SAMD13: variants seen among roughly 807,000 people sequenced by gnomAD.
SAMD13 encodes the protein sterile alpha motif domain-containing protein 13.
Under a neutral mutation model 12.4 loss-of-function variants are expected in SAMD13, and 9 were observed. The ratio of observed to expected loss-of-function variants is 0.72; its 90% confidence interval spans 0.44 to 1.26. The LOEUF (loss-of-function observed/expected upper bound fraction) is 1.26. Ranked by LOEUF, SAMD13 falls within the 50% of genes most tolerant of loss-of-function variation. The probability of loss-of-function intolerance (pLI) is 0.00; values close to 1 mark genes in which losing one functional copy is unlikely to be tolerated. For synonymous variants in SAMD13, 46 were observed against 45.4 expected, an observed-to-expected ratio of 1.01 and a Z score of -0.05; for missense variants, 84 against 119.6, an observed-to-expected ratio of 0.70 and a Z score of 1.39.
intron 1 of SAMD13, 90 bp from the exon 2 acceptor site, chr1:84,303,113 A>G: frequency 3.1e-6 from 3 of 964,160 alleles, no homozygotes; most frequent in Non-Finnish European, 4.8e-6. Flanking sequence ...GTGAAGCTGT[A>G]AAAGGGACCA....
upstream of SAMD13, among the ~76,000 whole-genome samples, chr1:84,298,780 C>G (rs1270769476): frequency 6.6e-6 from 1 of 152,098 alleles, no homozygotes; most frequent in Non-Finnish European, 1.5e-5. Context: ...TGCCCTGCCC[C>G]ACGGAGAGCC....
chr1:84,338,875 G>C (rs879741252), intron 3 of SAMD13, among the ~76,000 whole-genome samples: 4 of 152,184 alleles, frequency 2.6e-5, no homozygotes, highest in Admixed American at 2.6e-4. Context: ...TTCAAGACGA[G>C]ATCTGGGTGG....
chr1:84,340,542 A>G (rs1679400879), intron 3 of SAMD13, among the ~76,000 whole-genome samples: 1 of 152,252 alleles, frequency 6.6e-6, no homozygotes. Flanking sequence ...ATACTTAAAA[A>G]TGGTCAAAAT....
upstream of SAMD13, chr1:84,299,657 G>GTGTA (rs1553199278): frequency 1.2e-3 from 837 of 677,852 alleles, 4 homozygotes; most frequent in African/African-American, 6.6e-3. Context: ...GAGTACTAGT[G>GTGTA]TATATATATA....
At chr1:84,346,913 GA>G (rs146976842) in intron 3 of SAMD13, among the ~76,000 whole-genome samples, 5,222 of 152,320 alleles carry the variant, frequency 0.034, 114 homozygotes, top group South Asian at 0.076. Flanking sequence ...AAAGGAAGCA[GA>G]AGGTGGATTT....
chr1:84,343,659 A>G (rs1212921663), intron 3 of SAMD13, among the ~76,000 whole-genome samples: 2 of 152,126 alleles, frequency 1.3e-5, no homozygotes, highest in Non-Finnish European at 2.9e-5. Context: ...AAGAATGAGA[A>G]CACATCGACA....
chr1:84,302,842 G>A (rs1572686511), intron 1 of SAMD13, among the ~76,000 whole-genome samples: 1 of 145,504 alleles, frequency 6.9e-6, no homozygotes, highest in East Asian at 2.2e-4. Flanking sequence ...GGAAAAGGGG[G>A]ATTGTTTTTC....
At chr1:84,349,560 C>A (rs1333206857) in intron 3 of SAMD13, 71 bp from the exon 4 acceptor site, 2 of 1,547,380 alleles carry the variant, frequency 1.3e-6, no homozygotes, top group Non-Finnish European at 1.7e-6. Flanking sequence ...TACCTCTGAA[C>A]TTCCTTTTGT....
intron 3 of SAMD13, among the ~76,000 whole-genome samples, chr1:84,327,853 T>C (rs1679091403): frequency 1.3e-5 from 2 of 152,184 alleles, no homozygotes; most frequent in Non-Finnish European, 2.9e-5. Flanking sequence ...TTCTTTATGT[T>C]TGAAAAACTT....
At chr1:84,300,907 C>T (rs1194323334), upstream of SAMD13, among the ~76,000 whole-genome samples, 2 of 152,034 alleles carry the variant, frequency 1.3e-5, no homozygotes, top group African/African-American at 4.8e-5. Context: ...AATATAGTAC[C>T]GGGTACTCAT....
intron 3 of SAMD13, among the ~76,000 whole-genome samples, chr1:84,337,744 A>AT (rs1679332213): frequency 6.6e-6 from 1 of 152,128 alleles, no homozygotes; most frequent in Non-Finnish European, 1.5e-5. Context: ...AGAAAATGGG[A>AT]TTTTCATTTC....
chr1:84,336,411 C>T (rs1389175693), intron 3 of SAMD13, among the ~76,000 whole-genome samples: 1 of 152,054 alleles, frequency 6.6e-6, no homozygotes, highest in East Asian at 1.9e-4. Context: ...GGGAGGGAGG[C>T]CTCACAATCA....
At chr1:84,331,354 A>AAAAAATAAAAAATAC (rs553761794) in intron 3 of SAMD13, among the ~76,000 whole-genome samples, 1 of 82,432 alleles carries the variant, frequency 1.2e-5, no homozygotes, top group African/African-American at 4.3e-5. Flanking sequence ...AAAAAAAAAA[A>AAAAAATAAAAAATAC]AAAATTATGG....
At chr1:84,308,403 T>C (rs1053133540) in intron 2 of SAMD13, among the ~76,000 whole-genome samples, 4 of 152,118 alleles carry the variant, frequency 2.6e-5, no homozygotes, top group African/African-American at 9.7e-5. Context: ...CCCCACCTTC[T>C]ACCAATGATA....
chr1:84,303,185 T>C lies in SAMD13; in HGVS notation c.-32-18T>C, dbSNP rs1187739904. The C allele has an allele frequency of 6.3e-7, 1 of 1,581,706 alleles. No individual in the cohort carries two copies. The highest frequency in any genetic ancestry group is 1.7e-5 in the Admixed American group (1 of 59,772). ...CTTTCTAAGAATTAAACACAAGCTT[T>C]TCTCCCTTATTGATTAGTTGCTGAA... On this transcript the variant is annotated intron_variant, in intron 1 of 3. Transcript: ENST00000394834.
chr1:84,310,447 C>T (rs191021347), intron 2 of SAMD13, among the ~76,000 whole-genome samples: 61 of 152,220 alleles, frequency 4.0e-4, no homozygotes, highest in Admixed American at 5.2e-4. Context: ...GCATGGAACC[C>T]GTGAGCCACA....
At chr1:84,326,433 G>A (rs1372077355) in intron 3 of SAMD13, among the ~76,000 whole-genome samples, 1 of 152,154 alleles carries the variant, frequency 6.6e-6, no homozygotes, top group Non-Finnish European at 1.5e-5. Flanking sequence ...CTTTTCCTCA[G>A]GTCCAGGGAT....
At chr1:84,330,284 G>T (rs1203966106) in intron 3 of SAMD13, among the ~76,000 whole-genome samples, 2 of 152,168 alleles carry the variant, frequency 1.3e-5, no homozygotes, top group Non-Finnish European at 2.9e-5. Context: ...TCTTAAAACT[G>T]GTCCTCAAGA....
At chr1:84,341,353 A>T (rs1260236520) in intron 3 of SAMD13, among the ~76,000 whole-genome samples, 1 of 152,160 alleles carries the variant, frequency 6.6e-6, no homozygotes, top group African/African-American at 2.4e-5. Flanking sequence ...ACAGCAGTGA[A>T]GGTTAAGAAT....
Sources: allele counts gnomAD v4.1 joint callset (sites outside exome capture counted in the v4.1 genomes callset), GRCh38; gene constraint gnomAD v4.1.1; transcripts MANE v1.5; gene names NCBI Gene and HGNC (gene_info 2026-07-23, HGNC 2026-07-21).